Variants in B3GALT9 observed in about 807,000 individuals in gnomAD.
The protein encoded by B3GALT9 is beta-1,3-galactosyltransferase 9, also known as UDP-GlcNAc:betaGal beta-1,3-N-acetylglucosaminyltransferase 10 (putative).
Position 120,798,599 on chromosome 9 carries a change from C to T in B3GALT9, c.31C>T (p.His11Tyr). Residue 11 changes from histidine to tyrosine, a missense_variant, in exon 3 of 3, where the codon CAC becomes TAC. Physicochemically the swap from His to Tyr is moderately conservative, Grantham distance 83. Transcript: ENST00000689072. ...GGTGACTTTCTGCAGACTTCGGACT[C>T]ACCAGTGGTGTTTCATTCTATTTAA... MQVTFCRLRTHQWCFILFNVI... is the reference protein window; with the variant it reads MQVTFCRLRTYQWCFILFNVI... 5.0e-6 allele frequency: 2 copies of T among 399,696 alleles called. No individual in the cohort carries two copies. The highest frequency in any genetic ancestry group is 8.8e-6 in the Non-Finnish European group (2 of 226,214). 24.8% of individuals were successfully genotyped at this position (399,696 alleles called of 1,614,324 possible).
rs545339342 is a variant in B3GALT9 at position 120,793,601 on chromosome 9, A to G, written c.-503A>G. 75 of 399,176 alleles carry G rather than the reference A, an allele frequency of 1.9e-4. No individual in the cohort carries two copies. The highest frequency in any genetic ancestry group is 2.8e-4 in the Non-Finnish European group (64 of 226,340). The allele number at this position is 399,176 out of a possible 1,614,324, so 24.7% of individuals were successfully genotyped here. On this transcript the variant is annotated 5_prime_UTR_variant, in exon 1 of 3. Coordinates refer to ENST00000689072, the MANE Select transcript of B3GALT9 (RefSeq NM_001386823.1). Reference sequence around the variant, plus strand: ...GTGCTTAGGCTGGGTGCAACCTAGAACGGAGGTTCCTTTCGTACCGTACAT... The same window carrying G: ...GTGCTTAGGCTGGGTGCAACCTAGAGCGGAGGTTCCTTTCGTACCGTACAT...
chr9:120,799,540 A>C lies in B3GALT9; in HGVS notation c.972A>C (p.Glu324Asp), dbSNP rs2044958276. 5.0e-6 allele frequency: 2 copies of C among 399,604 alleles called. No individual in the cohort carries two copies. The highest frequency in any genetic ancestry group is 4.4e-5 in the Admixed American group (1 of 22,722). 24.8% of individuals were successfully genotyped at this position (399,604 alleles called of 1,614,324 possible). A position where few individuals can be genotyped will look rare whatever the true frequency, so the allele number is the denominator to read the frequency against. Residue 324 changes from glutamate (E) to aspartate (D), a missense_variant, in exon 3 of 3, where the codon GAA becomes GAC. Glu to Asp is a conservative substitution (Grantham distance 45). Coordinates refer to ENST00000689072, the MANE Select transcript of B3GALT9 (RefSeq NM_001386823.1). ...ADPEMPLAWK[E>D]INDGKECTLF... is the part of the protein sequence containing the mutation. ...CTGAAATGCCCCTAGCATGGAAGGA[A>C]ATTAATGATGGAAAAGAATGTACAC...
chr9:120,799,042 A>G lies in B3GALT9; in HGVS notation c.474A>G (p.Gln158=), dbSNP rs2044955285. ...EGIFLDSSEN[Q]TLKIIAMIQW... is the part of the protein sequence containing the mutation. ...TCTTCTTGGACAGTTCTGAGAACCAAACCCTGAAGATCATTGCAATGATAC... is the reference window on the plus strand; with the variant it reads ...TCTTCTTGGACAGTTCTGAGAACCAGACCCTGAAGATCATTGCAATGATAC... The change falls in exon 3 of 3, where the codon CAA becomes CAG. Residue 158 remains glutamine (Q), a synonymous_variant. Coordinates refer to ENST00000689072, the MANE Select transcript of B3GALT9 (RefSeq NM_001386823.1). 1 of 398,980 alleles carries G rather than the reference A, an allele frequency of 2.5e-6. No individual in the cohort carries two copies. Among genetic ancestry groups the G allele is most frequent in the Admixed American group, 4.4e-5 (1 of 22,716 alleles). The allele number at this position is 398,980 out of a possible 1,614,324, so 24.7% of individuals were successfully genotyped here.
At chr9:120,794,506 T>TTGTG (rs10589412) in intron 1 of B3GALT9, among the ~76,000 whole-genome samples, 3,911 of 142,130 alleles carry the variant, frequency 0.028, 162 homozygotes, top group African/African-American at 0.096. Flanking sequence ...GCCCAGCTAG[T>TTGTG]TGTGTGTGTG....
rs1312187407 is a variant in B3GALT9, at chr9:120,796,926, G to A, written c.6+317G>A. 9.9e-5 allele frequency among the ~76,000 whole-genome samples: 15 copies of A among 152,056 alleles called. No homozygotes were observed. In the East Asian group the frequency reaches 2.5e-3, roughly 26 times the overall value. On this transcript the variant is annotated intron_variant, in intron 2 of 2. Transcript: ENST00000689072. ...ACAAAAATTAGCTGGGAGTGGTGGTGCATGCCTGTAATCCCAGCTACTTGG... is the reference window on the plus strand; with the variant it reads ...ACAAAAATTAGCTGGGAGTGGTGGTACATGCCTGTAATCCCAGCTACTTGG...
chr9:120,801,212 T>C lies in B3GALT9; in HGVS notation c.*1534T>C, dbSNP rs1327870585. Among the ~76,000 whole-genome samples the C allele has an allele frequency of 1.3e-5, 2 of 152,212 alleles. No individual in the cohort carries two copies. Among genetic ancestry groups the C allele is most frequent in the Non-Finnish European group, 2.9e-5 (2 of 68,030 alleles). ...CTTTAACATACTGATTTAATATCTTTTGGATATATTTCCAGTAGCGGAATT... is the reference window on the plus strand; with the variant it reads ...CTTTAACATACTGATTTAATATCTTCTGGATATATTTCCAGTAGCGGAATT... On this transcript the variant is annotated 3_prime_UTR_variant, in exon 3 of 3. Transcript: ENST00000689072.
Position 120,799,709 on chromosome 9 carries a change from A to G in B3GALT9, c.*31A>G, listed in dbSNP as rs1000689644. On this transcript the variant is annotated 3_prime_UTR_variant, in exon 3 of 3. Coordinates refer to ENST00000689072, the MANE Select transcript of B3GALT9 (RefSeq NM_001386823.1). ...CTTTAATTTTCCTTATGAGTCTACTATTTTAAAGTTACCTTCTACCCTGTT... is the reference window on the plus strand; with the variant it reads ...CTTTAATTTTCCTTATGAGTCTACTGTTTTAAAGTTACCTTCTACCCTGTT... 2 of 398,388 alleles carry G rather than the reference A, an allele frequency of 5.0e-6. No homozygotes were observed. The highest frequency in any genetic ancestry group is 4.4e-5 in the Admixed American group (1 of 22,702). 24.7% of individuals were successfully genotyped at this position (398,388 alleles called of 1,614,324 possible).
intron 1 of B3GALT9, among the ~76,000 whole-genome samples, 155 bp downstream of exon 1, chr9:120,794,077 A>C (rs906550917): frequency 6.6e-6 from 1 of 152,194 alleles, no homozygotes; most frequent in Admixed American, 6.5e-5. Flanking sequence ...GAAGGCTCTG[A>C]GGATTGAAGG....
rs1234756523 is a variant in B3GALT9 at position 120,793,641 on chromosome 9, C to T, written c.-463C>T. 2.5e-6 allele frequency: 1 copy of T among 398,804 alleles called. No homozygotes were observed. Among genetic ancestry groups the T allele is most frequent in the South Asian group, 1.3e-4 (1 of 7,918 alleles). 24.7% of individuals were successfully genotyped at this position (398,804 alleles called of 1,614,324 possible). The stretch of plus-strand genomic sequence containing the variant: ...GTACCGTACATCCAGGTTTGCACAG[C>T]GCGCTTATGTCCCTCCTCCAATCTG... On this transcript the variant is annotated 5_prime_UTR_variant, in exon 1 of 3. Coordinates refer to ENST00000689072, the MANE Select transcript of B3GALT9 (RefSeq NM_001386823.1).
rs1363197752 is a variant in B3GALT9 at position 120,799,242 on chromosome 9, G to C, written c.674G>C (p.Arg225Thr). The C allele has an allele frequency of 2.5e-6, 1 of 399,150 alleles. No homozygotes were observed. The highest frequency in any genetic ancestry group is 2.1e-5 in the African/African-American group (1 of 48,618). 24.7% of individuals were successfully genotyped at this position (399,150 alleles called of 1,614,324 possible). Reference sequence around the variant, plus strand: ...ACACCCAATAGAGATCCTCAGAACAGAGACTTTGTCCCTCTTAGTGAGTAC... The same window carrying C: ...ACACCCAATAGAGATCCTCAGAACACAGACTTTGTCCCTCTTAGTGAGTAC... Reference protein sequence around the residue: ...QVTPNRDPQNRDFVPLSEYPE... With the variant: ...QVTPNRDPQNTDFVPLSEYPE... The change falls in exon 3 of 3, where the codon AGA becomes ACA. Residue 225 changes from arginine (R) to threonine (T), a missense_variant. Coordinates refer to ENST00000689072, the MANE Select transcript of B3GALT9 (RefSeq NM_001386823.1).
chr9:120,800,275 G>A lies in B3GALT9; in HGVS notation c.*597G>A, dbSNP rs2044962801. 2.0e-5 allele frequency among the ~76,000 whole-genome samples: 3 copies of A among 151,984 alleles called. No individual in the cohort carries two copies. The highest frequency in any genetic ancestry group is 1.9e-4 in the East Asian group (1 of 5,186). The stretch of plus-strand genomic sequence containing the variant: ...TGGGATTACAGGTGCCTGCCACCAC[G>A]CCTGGCTAATTTTTGGTATTTTTAG... On this transcript the variant is annotated 3_prime_UTR_variant, in exon 3 of 3. Coordinates refer to ENST00000689072, the MANE Select transcript of B3GALT9 (RefSeq NM_001386823.1).
chr9:120,799,781 T>G lies in B3GALT9; in HGVS notation c.*103T>G, dbSNP rs953516494. On this transcript the variant is annotated 3_prime_UTR_variant, in exon 3 of 3. Transcript: ENST00000689072. ...CCATGTTTTATGTAGGTTCTCTGAA[T>G]CTTTAATTTTATTTGCAAAGGTACA... 3 of 397,254 alleles carry G rather than the reference T, an allele frequency of 7.6e-6. No individual in the cohort carries two copies. The highest frequency in any genetic ancestry group is 6.2e-5 in the African/African-American group (3 of 48,614). The allele number at this position is 397,254 out of a possible 1,614,324, so 24.6% of individuals were successfully genotyped here.
In B3GALT9 at chr9:120,793,544, G is replaced by C. The variant is rs1002353655; in HGVS notation, c.-560G>C. On this transcript the variant is annotated 5_prime_UTR_variant, in exon 1 of 3. Transcript: ENST00000689072. ...TAGGGGTGGGGAGAAGAGCGTCCCGGGAAGCTGAACGCGTGCCGCGCGGCC... is the reference window on the plus strand; with the variant it reads ...TAGGGGTGGGGAGAAGAGCGTCCCGCGAAGCTGAACGCGTGCCGCGCGGCC... 3.0e-5 allele frequency: 12 copies of C among 399,702 alleles called. No individual in the cohort carries two copies. The highest frequency in any genetic ancestry group is 2.3e-4 in the African/African-American group (11 of 48,588). 24.8% of individuals were successfully genotyped at this position (399,702 alleles called of 1,614,324 possible). A position where few individuals can be genotyped will look rare whatever the true frequency, so the allele number is the denominator to read the frequency against.
intron 1 of B3GALT9, 26 bp downstream of exon 1, chr9:120,793,948 G>C (rs1213961815): frequency 3.4e-6 from 1 of 291,136 alleles, no homozygotes; most frequent in Non-Finnish European, 6.3e-6. Flanking sequence ...AATGAAAAGA[G>C]ACAGTCAAGT....
At chr9:120,796,216 A>C (rs748236487) in intron 1 of B3GALT9, among the ~76,000 whole-genome samples, 16 of 152,210 alleles carry the variant, frequency 1.1e-4, no homozygotes, top group Non-Finnish European at 1.8e-4. Context: ...GGATATATCT[A>C]CTTGTGCAAT....
In B3GALT9 at chr9:120,799,727, AC is replaced by A. The variant is rs2044959556; in HGVS notation, c.*52del. The A allele has an allele frequency of 5.0e-6, 2 of 397,962 alleles. No individual in the cohort carries two copies. The highest frequency in any genetic ancestry group is 4.4e-5 in the Admixed American group (1 of 22,700). 24.7% of individuals were successfully genotyped at this position (397,962 alleles called of 1,614,324 possible). ...GTCTACTATTTTAAAGTTACCTTCTACCCTGTTATGGAAAGCATCCCTTCTT... is the reference window on the plus strand; with the variant it reads ...GTCTACTATTTTAAAGTTACCTTCTACCTGTTATGGAAAGCATCCCTTCTT... On this transcript the variant is annotated 3_prime_UTR_variant, in exon 3 of 3. Transcript: ENST00000689072.
intron 1 of B3GALT9, among the ~76,000 whole-genome samples, chr9:120,795,972 T>C (rs1199822097): frequency 6.6e-6 from 1 of 152,198 alleles, no homozygotes; most frequent in East Asian, 1.9e-4. Flanking sequence ...TTAGATGACT[T>C]AAAATTGATT....
chr9:120,797,418 A>C (rs974574537), intron 2 of B3GALT9, among the ~76,000 whole-genome samples: 2 of 151,856 alleles, frequency 1.3e-5, no homozygotes, highest in African/African-American at 4.8e-5. Flanking sequence ...AGGCATGAGA[A>C]TCCCTTGAAC....
At position 120,798,748 on chromosome 9, in the gene B3GALT9, C is replaced by T. The variant is rs1490690197; in HGVS notation, c.180C>T (p.Ile60=). Reference sequence around the variant, plus strand: ...AGAATAAGGCAAGAAAATTGAACATCGAACCCCTAAGAAGTAATCTCTCCA... The same window carrying T: ...AGAATAAGGCAAGAAAATTGAACATTGAACCCCTAAGAAGTAATCTCTCCA... ...EIKNKARKLN[I]EPLRSNLSKY... Residue 60 remains isoleucine, a synonymous_variant, in exon 3 of 3, where the codon ATC becomes ATT. Transcript: ENST00000689072. The T allele has an allele frequency of 7.5e-6, 3 of 398,934 alleles. No homozygotes were observed. The highest frequency in any genetic ancestry group is 1.3e-5 in the Non-Finnish European group (3 of 226,084). The allele number at this position is 398,934 out of a possible 1,614,324, so 24.7% of individuals were successfully genotyped here.
Sources: allele counts gnomAD v4.1 joint callset (sites outside exome capture counted in the v4.1 genomes callset), GRCh38; gene constraint gnomAD v4.1.1; transcripts MANE v1.5; gene names NCBI Gene and HGNC (gene_info 2026-07-23, HGNC 2026-07-21).